The following SIGLECL1 variants were observed in gnomAD, a reference collection of about 807,000 sequenced individuals.
SIGLECL1 encodes SIGLEC family-like protein 1.
Under a neutral mutation model 19.1 loss-of-function variants are expected in SIGLECL1, and 16 were observed. That is an observed-to-expected ratio of 0.84 (90% CI 0.57 to 1.27). The LOEUF (loss-of-function observed/expected upper bound fraction) is 1.27, where lower values mean the gene tolerates loss of function less well. Ranked by LOEUF, SIGLECL1 falls within the 50% of genes most tolerant of loss-of-function variation. The pLI is 0.00. For synonymous variants in SIGLECL1, 89 were observed against 90.4 expected (o/e 0.98, Z 0.09); for missense variants, 210 against 239.4 (o/e 0.88, Z 0.81).
upstream of SIGLECL1, among the ~76,000 whole-genome samples, chr19:51,250,714 G>A (rs114644267): frequency 2.5e-3 from 386 of 152,282 alleles, 1 homozygote; most frequent in African/African-American, 8.9e-3. Context: ...GGCCTTGCTG[G>A]GAAGAAAATT....
intron 1 of SIGLECL1, among the ~76,000 whole-genome samples, chr19:51,251,853 A>T (rs558268703): frequency 6.6e-5 from 10 of 152,324 alleles, no homozygotes; most frequent in African/African-American, 2.2e-4. Flanking sequence ...TCCCTTAGAA[A>T]GCCGAACACC....
At chr19:51,263,406 C>T (rs776838638) in intron 1 of SIGLECL1, among the ~76,000 whole-genome samples, 2 of 152,192 alleles carry the variant, frequency 1.3e-5, no homozygotes, top group African/African-American at 2.4e-5. Flanking sequence ...AATGTCAACA[C>T]TTTGCTATCT....
chr19:51,267,373 A>G lies in SIGLECL1; in HGVS notation c.411A>G (p.Ile137Met). 6.8e-6 allele frequency: 11 copies of G among 1,611,334 alleles called. No individual in the cohort carries two copies. The highest frequency in any genetic ancestry group is 9.3e-6 in the Non-Finnish European group (11 of 1,179,938). The change falls in exon 5 of 6, where the codon ATA (isoleucine) becomes ATG (methionine). Residue 137 changes from isoleucine (I) to methionine (M), a missense_variant and splice_region_variant. Coordinates refer to ENST00000601727, the MANE Select transcript of SIGLECL1 (RefSeq NM_001385465.1). ...ALLFLCLLPLIVKHIRKKQAK... is the reference protein window; with the variant it reads ...ALLFLCLLPLMVKHIRKKQAK... ...ACCAATCCAAGGCTTATTTCCTTAGAGTGAAACATATCAGAAAGAAGCAGG... is the reference window on the plus strand; with the variant it reads ...ACCAATCCAAGGCTTATTTCCTTAGGGTGAAACATATCAGAAAGAAGCAGG...
At position 51,263,990 on chromosome 19, in the gene SIGLECL1, C is replaced by T; in HGVS notation, c.-83C>T. 6.4e-7 allele frequency: 1 copy of T among 1,568,238 alleles called. No individual in the cohort carries two copies. Among genetic ancestry groups the T allele is most frequent in the Non-Finnish European group, 8.7e-7 (1 of 1,143,678 alleles). On this transcript the variant is annotated 5_prime_UTR_variant, in exon 2 of 6. Transcript: ENST00000601727. ...CTTTCAGTTACGCATCACCTCACTC[C>T]TTCTGAACCATATGGTTCTGATGTC... is the stretch of plus-strand genomic sequence containing the variant.
At chr19:51,261,241 G>A (rs1983191418) in intron 1 of SIGLECL1, among the ~76,000 whole-genome samples, 1 of 152,052 alleles carries the variant, frequency 6.6e-6, no homozygotes, top group South Asian at 2.1e-4. Context: ...ACATTACCTG[G>A]CTTTCTGGTT....
chr19:51,259,961 A>C (rs1002765910), intron 1 of SIGLECL1, among the ~76,000 whole-genome samples: 1 of 152,256 alleles, frequency 6.6e-6, no homozygotes, highest in African/African-American at 2.4e-5. Context: ...ACTGGCACTC[A>C]TACTGAGGAA....
intron 1 of SIGLECL1, among the ~76,000 whole-genome samples, chr19:51,254,144 C>T (rs1982657310): frequency 6.6e-6 from 1 of 151,982 alleles, no homozygotes; most frequent in Admixed American, 6.6e-5. Flanking sequence ...TATAGCAAGA[C>T]TCGACTCTCT....
upstream of SIGLECL1, among the ~76,000 whole-genome samples, chr19:51,248,770 C>T (rs188106512): frequency 1.8e-4 from 28 of 152,288 alleles, no homozygotes; most frequent in Admixed American, 5.2e-4. Context: ...TAAAGGGGAA[C>T]GGTAGCCTTA....
rs775271198 is a variant in SIGLECL1, at chr19:51,267,442, C to G, written c.480C>G (p.Val160=). The G allele has an allele frequency of 1.9e-6, 3 of 1,614,024 alleles. No individual in the cohort carries two copies. The highest frequency in any genetic ancestry group is 2.7e-5 in the African/African-American group (2 of 74,912). ...TCAGAGCAAAAAAGAGCTCTAAAGT[C>G]AGAGCAAGCCAAGAACTTGAGATGT... is the stretch of plus-strand genomic sequence containing the variant. ...AAIRAKKSSK[V]RASQELEMSL... The change falls in exon 5 of 6, where the codon GTC becomes GTG. Residue 160 remains valine, a synonymous_variant. Coordinates refer to ENST00000601727, the MANE Select transcript of SIGLECL1 (RefSeq NM_001385465.1).
At chr19:51,262,555 C>T (rs550639806) in intron 1 of SIGLECL1, among the ~76,000 whole-genome samples, 5 of 152,232 alleles carry the variant, frequency 3.3e-5, no homozygotes, top group South Asian at 4.2e-4. Flanking sequence ...TAAAATTATA[C>T]ATGTAGTCCA....
At chr19:51,252,670 G>A (rs1459209552) in intron 1 of SIGLECL1, among the ~76,000 whole-genome samples, 2 of 152,156 alleles carry the variant, frequency 1.3e-5, no homozygotes, top group Non-Finnish European at 2.9e-5. Flanking sequence ...GGAAACTTGG[G>A]CGATATCTTT....
chr19:51,264,717 C>T (rs114665425), intron 2 of SIGLECL1, among the ~76,000 whole-genome samples: 2,029 of 152,246 alleles, frequency 0.013, 47 homozygotes, highest in African/African-American at 0.047. Flanking sequence ...CTAAATAGAG[C>T]GAGGCAATTT....
chr19:51,264,275 G>GC, intron 2 of SIGLECL1, 181 bp downstream of exon 2: 1 of 634,908 alleles, frequency 1.6e-6, no homozygotes, highest in South Asian at 2.1e-5. Context: ...CAGGGCTGGT[G>GC]TGTCTGAAGC....
At position 51,268,747 on chromosome 19, in the gene SIGLECL1, C is replaced by G; in HGVS notation, c.*150C>G. 1.5e-6 allele frequency: 1 copy of G among 672,116 alleles called. No homozygotes were observed. The allele number at this position is 672,116 out of a possible 1,614,324, so 41.6% of individuals were successfully genotyped here. ...TCAGCTCACAAAACCCTCTCAATTC[C>G]TACACATCCCTTAACACTCATTCTC... On this transcript the variant is annotated 3_prime_UTR_variant, in exon 6 of 6. Transcript: ENST00000601727.
At chr19:51,254,997 C>T (rs774363986) in intron 1 of SIGLECL1, among the ~76,000 whole-genome samples, 3 of 152,048 alleles carry the variant, frequency 2.0e-5, no homozygotes, top group Non-Finnish European at 2.9e-5. Context: ...CAGTGGCTCA[C>T]GCCTGTAATC....
intron 1 of SIGLECL1, among the ~76,000 whole-genome samples, chr19:51,257,413 A>G (rs1317296666): frequency 6.6e-6 from 1 of 151,592 alleles, no homozygotes; most frequent in African/African-American, 2.4e-5. Flanking sequence ...CTGTCTCAAA[A>G]AAAAAAAAAA....
upstream of SIGLECL1, among the ~76,000 whole-genome samples, chr19:51,248,156 A>G (rs1250811490): frequency 7.1e-6 from 1 of 139,890 alleles, no homozygotes; most frequent in Non-Finnish European, 1.5e-5. Context: ...CATTTTCAAG[A>G]TGGCCGCTCC....
intron 1 of SIGLECL1, among the ~76,000 whole-genome samples, chr19:51,259,388 A>G (rs946314539): frequency 6.6e-6 from 1 of 152,246 alleles, no homozygotes; most frequent in African/African-American, 2.4e-5. Flanking sequence ...CCTTCAACCA[A>G]TATTGATTGA....
chr19:51,267,274 T>C, intron 4 of SIGLECL1, 99 bp from the exon 5 acceptor site: 2 of 1,440,242 alleles, frequency 1.4e-6, no homozygotes, highest in Non-Finnish European at 9.4e-7. Context: ...GCTGGTACTG[T>C]TGTTGAGGCT....
Sources: gnomAD v4.1 joint callset for allele counts (sites outside exome capture counted in the v4.1 genomes callset) on GRCh38, gnomAD v4.1.1 for gene constraint, MANE v1.5 for transcripts, NCBI Gene and HGNC (gene_info 2026-07-23, HGNC 2026-07-21) for gene names.